The following CRADD variants were observed in gnomAD, a reference collection of about 807,000 sequenced individuals.
CRADD encodes CARD and death domain containing adaptor protein, also known as death domain-containing protein CRADD.
CRADD carries 9 observed loss-of-function variants against 15.5 expected under a neutral mutation model. That is an observed-to-expected ratio of 0.58 (90% CI 0.35 to 1.01). The LOEUF is 1.01. CRADD is among the 50% of genes least tolerant of loss of function. The pLI is 0.02. For missense variants in CRADD, 227 were observed against 250.3 expected (o/e 0.91, Z 0.63); for synonymous variants, 118 against 107.6 (o/e 1.10, Z -0.60).
intron 2 of CRADD, among the ~76,000 whole-genome samples, chr12:93,893,694 T>A (rs1958592451): frequency 1.3e-5 from 2 of 152,052 alleles, no homozygotes; most frequent in Non-Finnish European, 2.9e-5. Context: ...TCACCTGAGG[T>A]CAGGAGTTCA....
intron 2 of CRADD, among the ~76,000 whole-genome samples, chr12:93,763,076 A>G (rs1956986470): frequency 6.6e-6 from 1 of 152,202 alleles, no homozygotes; most frequent in Admixed American, 6.5e-5. Context: ...AGAACTTCAC[A>G]TCTGTTTTCT....
At chr12:93,713,065 T>A (rs1163839063) in intron 2 of CRADD, among the ~76,000 whole-genome samples, 2 of 150,332 alleles carry the variant, frequency 1.3e-5, no homozygotes, top group African/African-American at 4.9e-5. Flanking sequence ...TTGAAGATCG[T>A]TTTTTTTTAA....
chr12:93,694,802 G>T (rs1955661436), intron 2 of CRADD, among the ~76,000 whole-genome samples: 1 of 152,094 alleles, frequency 6.6e-6, no homozygotes, highest in African/African-American at 2.4e-5. Context: ...ATTGATGAAA[G>T]AAACTGAAGA....
intron 2 of CRADD, among the ~76,000 whole-genome samples, chr12:93,816,506 C>T (rs375145143): frequency 2.7e-4 from 41 of 151,564 alleles, no homozygotes; most frequent in East Asian, 1.9e-3. Context: ...GAATTACAGG[C>T]GTGAGCCACC....
At chr12:93,876,604 G>A (rs1958459091) in intron 2 of CRADD, among the ~76,000 whole-genome samples, 1 of 151,868 alleles carries the variant, frequency 6.6e-6, no homozygotes, top group Non-Finnish European at 1.5e-5. Context: ...TGCTATTAAA[G>A]GACTCTGATG....
At chr12:93,790,338 C>T (rs1957334102) in intron 2 of CRADD, among the ~76,000 whole-genome samples, 1 of 151,886 alleles carries the variant, frequency 6.6e-6, no homozygotes, top group Non-Finnish European at 1.5e-5. Context: ...GAAGGGATAG[C>T]TTTAGGAAAT....
chr12:93,847,470 G>C (rs1192589155), intron 2 of CRADD, among the ~76,000 whole-genome samples: 1 of 122,364 alleles, frequency 8.2e-6, no homozygotes, highest in Non-Finnish European at 1.6e-5. Flanking sequence ...AAGAAGTCAA[G>C]AGACTATGGC....
At chr12:93,762,215 T>G (rs1182295886) in intron 2 of CRADD, among the ~76,000 whole-genome samples, 1 of 152,198 alleles carries the variant, frequency 6.6e-6, no homozygotes, top group African/African-American at 2.4e-5. Context: ...ATGTTGTGAG[T>G]AATTGCAGCT....
chr12:93,839,895 C>T (rs1218650466), intron 2 of CRADD, among the ~76,000 whole-genome samples: 2 of 152,150 alleles, frequency 1.3e-5, no homozygotes, highest in Non-Finnish European at 2.9e-5. Flanking sequence ...AGCAGAAATC[C>T]GTAATTTTGA....
At chr12:93,680,852 C>T (rs1490070387) in intron 2 of CRADD, among the ~76,000 whole-genome samples, 1 of 151,992 alleles carries the variant, frequency 6.6e-6, no homozygotes, top group East Asian at 1.9e-4. Context: ...TGATACAGAT[C>T]ATGCTGTTGT....
At chr12:93,885,288 T>C (rs988411317) in intron 2 of CRADD, among the ~76,000 whole-genome samples, 4 of 152,232 alleles carry the variant, frequency 2.6e-5, no homozygotes, top group Non-Finnish European at 4.4e-5. Flanking sequence ...ATTTCTTCTA[T>C]GTCACAGGTA....
downstream of CRADD, among the ~76,000 whole-genome samples, chr12:93,851,462 G>A (rs1958220786): frequency 6.6e-6 from 1 of 152,136 alleles, no homozygotes; most frequent in Admixed American, 6.5e-5. Flanking sequence ...TGGCAGAATG[G>A]GGAAATGATT....
At position 93,850,268 on chromosome 12, in the gene CRADD, G is replaced by A. The variant is rs116316289; in HGVS notation, c.597G>A (p.Glu199=). Reference sequence around the variant, plus strand: ...CCTCGCTGCTCCTGCACATGTTGGAGTGATGGTGCCTCCAGCAACCGCTGG... The same window carrying A: ...CCTCGCTGCTCCTGCACATGTTGGAATGATGGTGCCTCCAGCAACCGCTGG... The part of the protein sequence containing the change: ...VDPSLLLHML[E] The change falls in exon 3 of 3, where the codon GAG becomes GAA. Residue 199 remains glutamate, a synonymous_variant. Coordinates refer to ENST00000332896, the MANE Select transcript of CRADD (RefSeq NM_003805.5). The surrounding 1 kb of genome is among the most constrained non-coding windows in gnomAD (Gnocchi z 4.0). 3.0e-4 allele frequency: 475 copies of A among 1,588,752 alleles called. 3 individuals are homozygous for A. In the African/African-American group the frequency reaches 6.1e-3, roughly 20 times the overall value.
At chr12:93,703,206 G>A (rs1390967902) in intron 2 of CRADD, among the ~76,000 whole-genome samples, 1 of 151,756 alleles carries the variant, frequency 6.6e-6, no homozygotes, top group African/African-American at 2.4e-5. Flanking sequence ...GTGCCATTAG[G>A]TGTTGATTTT....
At chr12:93,883,826 T>C (rs1958518388) in intron 2 of CRADD, among the ~76,000 whole-genome samples, 1 of 152,098 alleles carries the variant, frequency 6.6e-6, no homozygotes, top group Non-Finnish European at 1.5e-5. Context: ...GGGTGAGACC[T>C]TGTCTCTAAA....
At chr12:93,840,713 T>A (rs538677624) in intron 2 of CRADD, among the ~76,000 whole-genome samples, 52 of 152,218 alleles carry the variant, frequency 3.4e-4, no homozygotes, top group Non-Finnish European at 6.9e-4. Flanking sequence ...ATTACAGGCA[T>A]GTGCCACCAC....
chr12:93,743,788 T>A (rs1956714257), intron 2 of CRADD, among the ~76,000 whole-genome samples: 1 of 152,186 alleles, frequency 6.6e-6, no homozygotes, highest in African/African-American at 2.4e-5. Flanking sequence ...ATGGCAAAAT[T>A]TCCAATTTCA....
chr12:93,698,983 G>T (rs1360933217), intron 2 of CRADD, among the ~76,000 whole-genome samples: 1 of 152,062 alleles, frequency 6.6e-6, no homozygotes, highest in African/African-American at 2.4e-5. Flanking sequence ...TTTACTATCT[G>T]GCCCTTTACA....
At chr12:93,863,594 A>AT (rs566617575) in intron 2 of CRADD, among the ~76,000 whole-genome samples, 2,431 of 70,036 alleles carry the variant, frequency 0.035, 70 homozygotes, top group East Asian at 0.26. Context: ...GTGTGGAGGC[A>AT]TTTGTGTGTG....
Sources: gnomAD v4.1 joint callset for allele counts (sites outside exome capture counted in the v4.1 genomes callset) on GRCh38, gnomAD v4.1.1 for gene constraint, Gnocchi (gnomAD v3.1) non-coding constraint, MANE v1.5 for transcripts, NCBI Gene and HGNC (gene_info 2026-07-23, HGNC 2026-07-21) for gene names.